PRPSAP2: variants seen among roughly 807,000 people sequenced by gnomAD.
PRPSAP2 encodes phosphoribosyl pyrophosphate synthetase associated protein 2.
Under a neutral mutation model 40.6 loss-of-function variants are expected in PRPSAP2, and 24 were observed. That is an observed-to-expected ratio of 0.59 (90% CI 0.43 to 0.83). The LOEUF is 0.83. Ranked by LOEUF, PRPSAP2 falls within the 40% of genes least tolerant of loss-of-function variation. The probability of loss-of-function intolerance (pLI) is 0.00; values close to 1 mark genes in which losing one functional copy is unlikely to be tolerated. For missense variants in PRPSAP2, 292 were observed against 465.6 expected, an observed-to-expected ratio of 0.63 and a Z score of 3.43; for synonymous variants, 149 against 164.7, an observed-to-expected ratio of 0.90 and a Z score of 0.73.
At chr17:18,930,317 T>C (rs2042195671) in intron 11 of PRPSAP2, among the ~76,000 whole-genome samples, 2 of 152,152 alleles carry the variant, frequency 1.3e-5, no homozygotes, top group Admixed American at 6.5e-5. Context: ...GAGCTTGCAG[T>C]GAGCTGAGAT....
intron 8 of PRPSAP2, among the ~76,000 whole-genome samples, chr17:18,909,684 C>G (rs191117013): frequency 6.6e-6 from 1 of 151,968 alleles, no homozygotes; most frequent in East Asian, 2.0e-4. Context: ...GTGGGCAGAT[C>G]ATCTGAGGTC....
chr17:18,872,513 A>AT (rs2037966470), intron 4 of PRPSAP2, 70 bp from the exon 5 acceptor site: 2 of 1,208,320 alleles, frequency 1.7e-6, no homozygotes, highest in Admixed American at 1.9e-5. Flanking sequence ...AATAATACAG[A>AT]TTTTTTTGTG....
intron 7 of PRPSAP2, among the ~76,000 whole-genome samples, chr17:18,885,792 G>A (rs561522859): frequency 2.7e-4 from 41 of 152,182 alleles, no homozygotes; most frequent in African/African-American, 9.6e-4. Flanking sequence ...TCTCCTTGTT[G>A]GTCAGGCTGG....
chr17:18,924,064 C>T (rs1371355556), intron 10 of PRPSAP2, 80 bp downstream of exon 10: 13 of 1,385,436 alleles, frequency 9.4e-6, no homozygotes, highest in Non-Finnish European at 1.2e-5. Flanking sequence ...GATTTTATTA[C>T]AGAGACTCAC....
Position 18,911,384 on chromosome 17 carries a change from G to A in PRPSAP2, c.733+133G>A, listed in dbSNP as rs1200188513. On this transcript the variant is annotated intron_variant, in intron 9 of 11. Transcript: ENST00000268835. The surrounding 1 kb of genome is among the most constrained non-coding windows in gnomAD (Gnocchi z 4.5). ...AACTCATTAACACCTTTCTTGGCCA[G>A]ATAGTAGCGAATGCATTTCTGATTA... The A allele has an allele frequency of 7.3e-6, 8 of 1,098,826 alleles. No individual in the cohort carries two copies. Among genetic ancestry groups the A allele is most frequent in the Non-Finnish European group, 1.0e-5 (8 of 798,356 alleles). The allele number at this position is 1,098,826 out of a possible 1,614,324, so 68.1% of individuals were successfully genotyped here.
intron 5 of PRPSAP2, among the ~76,000 whole-genome samples, chr17:18,874,887 T>C (rs1042211009): frequency 6.6e-6 from 1 of 152,198 alleles, no homozygotes; most frequent in Non-Finnish European, 1.5e-5. Context: ...TGTGGTACTT[T>C]TATGTCCTTA....
chr17:18,915,955 G>T (rs1336900330), intron 9 of PRPSAP2, among the ~76,000 whole-genome samples: 2 of 151,972 alleles, frequency 1.3e-5, no homozygotes, highest in East Asian at 1.9e-4. Context: ...GAGTAGCTGG[G>T]ACTACAGGTG....
At chr17:18,876,352 A>G (rs1057162831) in intron 5 of PRPSAP2, among the ~76,000 whole-genome samples, 2 of 152,158 alleles carry the variant, frequency 1.3e-5, no homozygotes, top group African/African-American at 4.8e-5. Flanking sequence ...CCCATAGAAT[A>G]CTTTTCTGAA....
At chr17:18,889,670 A>G (rs1185743006) in intron 7 of PRPSAP2, 152 bp from the exon 8 acceptor site, 2 of 546,936 alleles carry the variant, frequency 3.7e-6, no homozygotes, top group East Asian at 6.2e-5. Flanking sequence ...ATTTTTTCAT[A>G]GGCAGGTTCC....
chr17:18,867,053 T>C (rs1053505641), intron 3 of PRPSAP2, among the ~76,000 whole-genome samples: 2 of 152,042 alleles, frequency 1.3e-5, no homozygotes, highest in South Asian at 2.1e-4. Context: ...GGAAGATGGC[T>C]AGTGAGGCAG....
In PRPSAP2 at chr17:18,930,976, G is replaced by A. The variant is rs2042224251; in HGVS notation, c.*278G>A. ...GTTTAAAAAATAACACTTGGAATAA[G>A]ATTTGTAAGCTCACAAAGCCTTCTT... On this transcript the variant is annotated 3_prime_UTR_variant, in exon 12 of 12. Transcript: ENST00000268835. 1 of 224,296 alleles carries A rather than the reference G, an allele frequency of 4.5e-6. No individual in the cohort carries two copies. Among genetic ancestry groups the A allele is most frequent in the South Asian group, 1.6e-4 (1 of 6,366 alleles). 13.9% of individuals were successfully genotyped at this position (224,296 alleles called of 1,614,324 possible). A position where few individuals can be genotyped will look rare whatever the true frequency, so the allele number is the denominator to read the frequency against.
At position 18,908,869 on chromosome 17, in the gene PRPSAP2, A is replaced by T. The variant is rs371988255; in HGVS notation, c.585-2234A>T. The T allele has an allele frequency of 4.7e-5, 27 of 577,718 alleles. No individual in the cohort carries two copies. The African/African-American group carries it at 4.9e-4, about 11-fold the overall frequency. The allele number at this position is 577,718 out of a possible 1,614,324, so 35.8% of individuals were successfully genotyped here. A position where few individuals can be genotyped will look rare whatever the true frequency, so the allele number is the denominator to read the frequency against. ...GGATGCTGAGGAGAAGCAATAAATCATCTTATTTTATTTCCTTTTCCTCCC... is the reference window on the plus strand; with the variant it reads ...GGATGCTGAGGAGAAGCAATAAATCTTCTTATTTTATTTCCTTTTCCTCCC... On this transcript the variant is annotated intron_variant, in intron 8 of 11. Transcript: ENST00000268835.
In PRPSAP2 at chr17:18,911,352, TG is replaced by T; in HGVS notation, c.733+103del. On this transcript the variant is annotated intron_variant, in intron 9 of 11. Transcript: ENST00000268835. This position sits in a 1 kb window ranked among gnomAD's most constrained non-coding sequence, Gnocchi z 4.5. ...TCCTCATTCTTCGTTTTTTTTTAGT[TG>T]GCAAAAACTCATTAACACCTTTCTT... 3 of 939,074 alleles carry T rather than the reference TG, an allele frequency of 3.2e-6. No individual in the cohort carries two copies. Among genetic ancestry groups the T allele is most frequent in the Non-Finnish European group, 4.6e-6 (3 of 649,574 alleles). The allele number at this position is 939,074 out of a possible 1,614,324, so 58.2% of individuals were successfully genotyped here. A position where few individuals can be genotyped will look rare whatever the true frequency, so the allele number is the denominator to read the frequency against.
chr17:18,876,897 G>A (rs187295784), intron 5 of PRPSAP2, among the ~76,000 whole-genome samples: 10 of 152,320 alleles, frequency 6.6e-5, no homozygotes, highest in African/African-American at 2.2e-4. Flanking sequence ...AGGGTCAGGT[G>A]TGGCCAGGCA....
At chr17:18,897,717 C>T (rs2039999902) in intron 8 of PRPSAP2, among the ~76,000 whole-genome samples, 1 of 152,198 alleles carries the variant, frequency 6.6e-6, no homozygotes, top group African/African-American at 2.4e-5. Context: ...CCTGCCTTGG[C>T]CTCCCAAAAT....
At chr17:18,908,810 T>C in intron 8 of PRPSAP2, 1 of 721,230 alleles carries the variant, frequency 1.4e-6, no homozygotes, top group South Asian at 1.4e-5. Flanking sequence ...GCGGAAAAGC[T>C]AGAAGCTCTT....
intron 9 of PRPSAP2, among the ~76,000 whole-genome samples, chr17:18,920,044 C>A (rs918253095): frequency 4.6e-5 from 7 of 152,156 alleles, no homozygotes; most frequent in Admixed American, 3.3e-4. Context: ...AGGCCTGGGG[C>A]TGCCGCTCCC....
At chr17:18,887,561 T>A (rs553330131) in intron 7 of PRPSAP2, among the ~76,000 whole-genome samples, 11 of 152,212 alleles carry the variant, frequency 7.2e-5, no homozygotes, top group Non-Finnish European at 1.3e-4. Flanking sequence ...CTGTTAAGTA[T>A]TTCATCCCTT....
intron 1 of PRPSAP2, among the ~76,000 whole-genome samples, chr17:18,860,186 A>C (rs377704901): frequency 6.6e-6 from 1 of 152,148 alleles, no homozygotes; most frequent in South Asian, 2.1e-4. Flanking sequence ...CAGCTGCGCA[A>C]GTAGCTGGGG....
Sources: allele counts gnomAD v4.1 joint callset (sites outside exome capture counted in the v4.1 genomes callset), GRCh38; gene constraint gnomAD v4.1.1; non-coding constraint Gnocchi (gnomAD v3.1); transcripts MANE v1.5; gene names NCBI Gene and HGNC (gene_info 2026-07-23, HGNC 2026-07-21).